The following MYO3A variants were observed in gnomAD, a reference collection of about 807,000 sequenced individuals.
MYO3A encodes the protein myosin IIIA.
In MYO3A, 180 loss-of-function variants were observed where a neutral mutation model predicts 192.7. That is an observed-to-expected ratio of 0.93 (90% CI 0.83 to 1.06). MYO3A has a LOEUF of 1.06. Ranked by LOEUF, MYO3A falls within the 50% of genes least tolerant of loss-of-function variation. The pLI is 0.00. For missense variants in MYO3A, 1,896 were observed against 1,905.0 expected (o/e 1.00, Z 0.09); for synonymous variants, 628 against 645.3 (o/e 0.97, Z 0.41).
At chr10:26,102,851 G>A (rs1837553164) in intron 17 of MYO3A, among the ~76,000 whole-genome samples, 1 of 152,208 alleles carries the variant, frequency 6.6e-6, no homozygotes, top group African/African-American at 2.4e-5. Context: ...AGGGGTCAGG[G>A]ACCCACTTGA....
chr10:26,094,856 G>A (rs77900736), intron 15 of MYO3A, among the ~76,000 whole-genome samples: 4 of 152,278 alleles, frequency 2.6e-5, no homozygotes, highest in East Asian at 1.9e-4. Flanking sequence ...AATAATTTGC[G>A]TGTAATTATG....
At chr10:26,100,672 G>A (rs922999371) in intron 17 of MYO3A, among the ~76,000 whole-genome samples, 15 of 152,296 alleles carry the variant, frequency 9.8e-5, no homozygotes, top group Middle Eastern at 3.4e-3. Flanking sequence ...TCATTCAGGA[G>A]CAGGTTGTTC....
At chr10:26,168,974 C>T (rs1841907236) in intron 28 of MYO3A, 100 bp downstream of exon 28, 1 of 1,206,288 alleles carries the variant, frequency 8.3e-7, no homozygotes, top group Admixed American at 2.1e-5. Context: ...GTGTTTAATT[C>T]CAGACTGTGT....
intron 20 of MYO3A, 50 bp from the exon 21 acceptor site, chr10:26,143,398 A>G (rs372577118): frequency 9.0e-5 from 138 of 1,535,874 alleles, no homozygotes; most frequent in African/African-American, 1.8e-4. Flanking sequence ...GGTAATTACT[A>G]TGAAGCTATA....
intron 4 of MYO3A, among the ~76,000 whole-genome samples, chr10:25,955,465 C>G (rs572217006): frequency 2.6e-5 from 4 of 152,100 alleles, no homozygotes; most frequent in African/African-American, 9.6e-5. Context: ...GCTACAGAAC[C>G]AGATATTTAT....
intron 31 of MYO3A, among the ~76,000 whole-genome samples, chr10:26,187,539 G>A (rs144218895): frequency 0.039 from 5,939 of 151,648 alleles, 373 homozygotes; most frequent in African/African-American, 0.14. Flanking sequence ...TGTGCACAAC[G>A]TGCAGGTTTG....
intron 6 of MYO3A, among the ~76,000 whole-genome samples, chr10:26,009,321 C>T (rs904439070): frequency 9.9e-5 from 15 of 152,102 alleles, no homozygotes; most frequent in African/African-American, 2.9e-4. Context: ...CAGCATGGCA[C>T]ATGTATACAT....
chr10:25,993,041 T>A (rs1840158117), intron 4 of MYO3A, among the ~76,000 whole-genome samples: 6 of 152,214 alleles, frequency 3.9e-5, no homozygotes. Flanking sequence ...TTAGGGAGGA[T>A]TCCCTCTTTT....
At chr10:25,996,998 A>G (rs1395761345) in intron 5 of MYO3A, among the ~76,000 whole-genome samples, 161 bp from the exon 6 acceptor site, 2 of 152,226 alleles carry the variant, frequency 1.3e-5, no homozygotes, top group East Asian at 1.9e-4. Context: ...TCAAAGTGGA[A>G]ATGATGTTCT....
intron 4 of MYO3A, among the ~76,000 whole-genome samples, chr10:25,992,008 G>A (rs1231238360): frequency 6.6e-6 from 1 of 152,122 alleles, no homozygotes; most frequent in East Asian, 1.9e-4. Flanking sequence ...CTCTTTTTTG[G>A]TTCCATATGA....
At chr10:26,198,188 G>A (rs938984478) in intron 32 of MYO3A, among the ~76,000 whole-genome samples, 4 of 151,934 alleles carry the variant, frequency 2.6e-5, no homozygotes, top group African/African-American at 4.8e-5. Flanking sequence ...TTACAATGGC[G>A]ATTCTAGCGG....
At chr10:26,008,626 A>T (rs533987966) in intron 6 of MYO3A, among the ~76,000 whole-genome samples, 93 of 151,878 alleles carry the variant, frequency 6.1e-4, no homozygotes, top group African/African-American at 1.8e-3. Context: ...CACATGAAAA[A>T]ATGCTCACCA....
At chr10:26,129,958 C>G (rs1020049535) in intron 20 of MYO3A, among the ~76,000 whole-genome samples, 3 of 152,178 alleles carry the variant, frequency 2.0e-5, no homozygotes, top group African/African-American at 7.2e-5. Flanking sequence ...TATCCCCATG[C>G]ATTGCTCATG....
intron 14 of MYO3A, among the ~76,000 whole-genome samples, chr10:26,078,109 G>A (rs1032109108): frequency 6.8e-6 from 1 of 146,638 alleles, no homozygotes; most frequent in Admixed American, 6.7e-5. Flanking sequence ...GAATTCTGCT[G>A]TGAATCCATC....
chr10:26,053,329 T>C (rs751263254), intron 10 of MYO3A, among the ~76,000 whole-genome samples: 1 of 152,212 alleles, frequency 6.6e-6, no homozygotes, highest in Non-Finnish European at 1.5e-5. Context: ...GAACATTTAG[T>C]AAAGGCAAAC....
At chr10:26,021,242 G>C (rs570680933) in intron 7 of MYO3A, among the ~76,000 whole-genome samples, 1 of 151,828 alleles carries the variant, frequency 6.6e-6, no homozygotes, top group East Asian at 1.9e-4. Flanking sequence ...TCCTCTTTTT[G>C]TTCCATATTT....
chr10:26,054,956 G>A (rs1365889413), intron 10 of MYO3A, among the ~76,000 whole-genome samples: 1 of 152,212 alleles, frequency 6.6e-6, no homozygotes, highest in African/African-American at 2.4e-5. Context: ...TAGCAGCAAT[G>A]GGAAACTAAT....
intron 15 of MYO3A, among the ~76,000 whole-genome samples, chr10:26,095,116 T>C (rs1410980971): frequency 1.3e-5 from 2 of 152,144 alleles, no homozygotes; most frequent in African/African-American, 4.8e-5. Flanking sequence ...TTCAGGCCAC[T>C]GCCAAAAGTG....
chr10:26,016,745 A>T, intron 6 of MYO3A, 75 bp from the exon 7 acceptor site: 17 of 1,399,404 alleles, frequency 1.2e-5, no homozygotes, highest in Middle Eastern at 1.8e-4. Context: ...TTAGTTTGCA[A>T]AAAAGATTAT....
Sources: allele counts gnomAD v4.1 joint callset (sites outside exome capture counted in the v4.1 genomes callset), GRCh38; gene constraint gnomAD v4.1.1; transcripts MANE v1.5; gene names NCBI Gene and HGNC (gene_info 2026-07-23, HGNC 2026-07-21).